The following NWD2 variants were observed in gnomAD, a reference collection of about 807,000 sequenced individuals.
NWD2 encodes the protein NACHT and WD repeat domain-containing protein 2.
Under a neutral mutation model 132.7 loss-of-function variants are expected in NWD2, and 37 were observed. That is an observed-to-expected ratio of 0.28 (90% CI 0.21 to 0.37). The LOEUF (loss-of-function observed/expected upper bound fraction) is 0.37. NWD2 is among the 10% of genes least tolerant of loss of function. NWD2 has a pLI of 1.00. For missense variants in NWD2, 1,592 were observed against 2,122.4 expected (o/e 0.75, Z 4.91); for synonymous variants, 705 against 803.0 (o/e 0.88, Z 2.06).
At chr4:37,411,230 C>A (rs1163837756) in intron 3 of NWD2, among the ~76,000 whole-genome samples, 1 of 152,038 alleles carries the variant, frequency 6.6e-6, no homozygotes, top group Non-Finnish European at 1.5e-5. Context: ...ACAAAATAGA[C>A]CACTAGCCAG....
In NWD2 at chr4:37,416,723, G is replaced by C. The variant is rs531772837; in HGVS notation, c.358-13849G>C. On this transcript the variant is annotated intron_variant, in intron 3 of 6. Transcript: ENST00000309447. The stretch of plus-strand genomic sequence containing the variant: ...AGACCAGATGTCCATCAATCAACAA[G>C]TGGATAAAAATGTGAGATGTACATA... 2.0e-5 allele frequency among the ~76,000 whole-genome samples: 3 copies of C among 152,206 alleles called. No homozygotes were observed. In the South Asian group the frequency reaches 6.2e-4, roughly 32 times the overall value.
At chr4:37,347,126 A>C (rs993825899) in intron 2 of NWD2, among the ~76,000 whole-genome samples, 32 of 152,086 alleles carry the variant, frequency 2.1e-4, no homozygotes, top group African/African-American at 7.7e-4. Context: ...AATTTCCTAA[A>C]TTTTTTTGTA....
intron 1 of NWD2, among the ~76,000 whole-genome samples, chr4:37,290,220 A>G (rs1718329789): frequency 1.3e-5 from 2 of 152,232 alleles, no homozygotes; most frequent in African/African-American, 4.8e-5. Context: ...TAGGATAAAC[A>G]TAGACAATAC....
At chr4:37,408,242 C>T (rs1721083836) in intron 3 of NWD2, among the ~76,000 whole-genome samples, 1 of 119,410 alleles carries the variant, frequency 8.4e-6, no homozygotes, top group African/African-American at 2.6e-5. Context: ...CTCGGCAGGT[C>T]CCACCCCCAC....
intron 1 of NWD2, among the ~76,000 whole-genome samples, chr4:37,255,278 C>T (rs1467038829): frequency 2.0e-5 from 3 of 152,112 alleles, no homozygotes; most frequent in Admixed American, 1.3e-4. Flanking sequence ...TCTGATATCC[C>T]GGTGTGGCAT....
At position 37,396,416 on chromosome 4, in the gene NWD2, A is replaced by G. The variant is rs571556515; in HGVS notation, c.358-34156A>G. ...AACTCACACCTCCTTACCCCTGACCATGCCCATCTCTGGAAGCACAGGCTA... is the reference window on the plus strand; with the variant it reads ...AACTCACACCTCCTTACCCCTGACCGTGCCCATCTCTGGAAGCACAGGCTA... On this transcript the variant is annotated intron_variant, in intron 3 of 6. Coordinates refer to ENST00000309447, the MANE Select transcript of NWD2 (RefSeq NM_001144990.2). Among the ~76,000 whole-genome samples the G allele has an allele frequency of 2.0e-5, 3 of 152,210 alleles. No homozygotes were observed. In the East Asian group the frequency reaches 5.8e-4, roughly 29 times the overall value.
At chr4:37,354,430 C>T (rs558124179) in intron 2 of NWD2, among the ~76,000 whole-genome samples, 5 of 152,258 alleles carry the variant, frequency 3.3e-5, no homozygotes, top group African/African-American at 7.2e-5. Flanking sequence ...TTAAGTCTGC[C>T]GAAGCTGTGC....
intron 1 of NWD2, among the ~76,000 whole-genome samples, chr4:37,287,344 C>G (rs953687026): frequency 1.9e-4 from 29 of 152,222 alleles, no homozygotes; most frequent in Middle Eastern, 3.4e-3. Flanking sequence ...CTTTTTGCGA[C>G]GGGGGGCAGC....
At chr4:37,390,250 C>CAT (rs1377604403) in intron 3 of NWD2, among the ~76,000 whole-genome samples, 1 of 151,730 alleles carries the variant, frequency 6.6e-6, no homozygotes, top group Non-Finnish European at 1.5e-5. Context: ...AGTATATGTA[C>CAT]ATACTTTAAG....
At chr4:37,338,153 A>G (rs1158518208) in intron 2 of NWD2, among the ~76,000 whole-genome samples, 1 of 152,222 alleles carries the variant, frequency 6.6e-6, no homozygotes, top group Non-Finnish European at 1.5e-5. Flanking sequence ...TTCCTTGAAC[A>G]GTATTTACCA....
intron 3 of NWD2, among the ~76,000 whole-genome samples, chr4:37,368,198 G>A (rs1720138615): frequency 1.3e-5 from 2 of 152,038 alleles, no homozygotes; most frequent in South Asian, 4.2e-4. Context: ...AATTTCCCTG[G>A]ACTGAGAAAC....
chr4:37,442,609 G>A (rs1712516445), intron 6 of NWD2, among the ~76,000 whole-genome samples: 1 of 152,048 alleles, frequency 6.6e-6, no homozygotes, highest in Admixed American at 6.6e-5. Context: ...TCAACTATCT[G>A]TTACAAAGCA....
intron 1 of NWD2, among the ~76,000 whole-genome samples, chr4:37,252,046 G>A (rs777349678): frequency 3.3e-5 from 5 of 152,176 alleles, no homozygotes; most frequent in Admixed American, 1.3e-4. Flanking sequence ...AAACCAACTC[G>A]AGGTGTGGAG....
intron 1 of NWD2, among the ~76,000 whole-genome samples, chr4:37,293,647 G>T (rs1175544908): frequency 1.3e-5 from 2 of 152,092 alleles, no homozygotes; most frequent in African/African-American, 4.8e-5. Context: ...CGTACATTTT[G>T]GTTTTTATGA....
At chr4:37,350,138 C>A (rs1719731234) in intron 2 of NWD2, among the ~76,000 whole-genome samples, 1 of 152,088 alleles carries the variant, frequency 6.6e-6, no homozygotes, top group Non-Finnish European at 1.5e-5. Context: ...CGGCTTTGTT[C>A]TTTTTACTTA....
At chr4:37,347,374 G>T (rs1216090078) in intron 2 of NWD2, among the ~76,000 whole-genome samples, 1 of 152,024 alleles carries the variant, frequency 6.6e-6, no homozygotes, top group East Asian at 1.9e-4. Context: ...CTTACCAGTT[G>T]TTCCTCCCTT....
At chr4:37,387,233 ATTAAT>A (rs1440922503) in intron 3 of NWD2, among the ~76,000 whole-genome samples, 1 of 152,186 alleles carries the variant, frequency 6.6e-6, no homozygotes, top group African/African-American at 2.4e-5. Context: ...AACAAATGGA[ATTAAT>A]TTAATAATGT....
At chr4:37,282,853 A>G (rs1164296495) in intron 1 of NWD2, among the ~76,000 whole-genome samples, 3 of 152,208 alleles carry the variant, frequency 2.0e-5, no homozygotes, top group African/African-American at 7.2e-5. Context: ...GTGTGAAACA[A>G]ATCAACTGAT....
chr4:37,258,809 C>G (rs1032807648), intron 1 of NWD2, among the ~76,000 whole-genome samples: 2 of 152,182 alleles, frequency 1.3e-5, no homozygotes, highest in Non-Finnish European at 2.9e-5. Flanking sequence ...CATTCTCTGT[C>G]CCTTGTGCTT....
Sources: allele counts gnomAD v4.1 joint callset (sites outside exome capture counted in the v4.1 genomes callset), GRCh38; gene constraint gnomAD v4.1.1; transcripts MANE v1.5; gene names NCBI Gene and HGNC (gene_info 2026-07-23, HGNC 2026-07-21).